The following ZDHHC15 variants were observed in gnomAD, a reference collection of about 807,000 sequenced individuals.
The protein encoded by ZDHHC15 is palmitoyltransferase ZDHHC15.
A neutral mutation model predicts 31.7 loss-of-function variants in ZDHHC15; 19 were observed. That is an observed-to-expected ratio of 0.60 (90% CI 0.42 to 0.88). ZDHHC15 has a LOEUF of 0.88. Ranked by LOEUF, ZDHHC15 falls within the 40% of genes least tolerant of loss-of-function variation. The pLI is 0.00. For missense variants in ZDHHC15, 209 were observed against 251.2 expected, an observed-to-expected ratio of 0.83 and a Z score of 1.14; for synonymous variants, 103 against 90.0, an observed-to-expected ratio of 1.14 and a Z score of -0.82.
At chrX:75,446,655 C>T (rs985385262) in intron 4 of ZDHHC15, among the ~76,000 whole-genome samples, 6 of 111,623 alleles carry the variant, frequency 5.4e-5, no homozygotes, top group African/African-American at 1.3e-4. Context: ...CAAATTTATT[C>T]GCATGGTTCT....
intron 2 of ZDHHC15, among the ~76,000 whole-genome samples, chrX:75,495,524 A>T (rs1186152755): frequency 2.7e-5 from 3 of 111,056 alleles, no homozygotes; most frequent in South Asian, 7.7e-4. Flanking sequence ...AAGACTTGGA[A>T]CCAACCCAAA....
chrX:75,511,672 G>T (rs1435094478), intron 1 of ZDHHC15, among the ~76,000 whole-genome samples: 2 of 106,193 alleles, frequency 1.9e-5, no homozygotes, highest in East Asian at 3.0e-4. Context: ...AAGAGTCCAG[G>T]ACCAGATGGA....
At chrX:75,522,813 G>C in intron 1 of ZDHHC15, 76 bp downstream of exon 1, 1 of 1,161,423 alleles carries the variant, frequency 8.6e-7, no homozygotes, top group Non-Finnish European at 1.2e-6. Context: ...GAACACAAGG[G>C]ACACCAGTGT....
chrX:75,429,224 AC>A (rs777377734), intron 6 of ZDHHC15, 26 bp from the exon 7 acceptor site: 1,027 of 1,188,513 alleles, frequency 8.6e-4, no homozygotes, highest in Non-Finnish European at 1.1e-3. Flanking sequence ...AACTAATTTG[AC>A]ATCAGGACCT....
chrX:75,499,988 G>C (rs1177484663), intron 2 of ZDHHC15, among the ~76,000 whole-genome samples: 1 of 111,444 alleles, frequency 9.0e-6, no homozygotes, highest in Non-Finnish European at 1.9e-5. Flanking sequence ...CATTTTATCT[G>C]GATGGAGTTG....
At chrX:75,390,381 A>T (rs774774898) in intron 10 of ZDHHC15, among the ~76,000 whole-genome samples, 1 of 111,943 alleles carries the variant, frequency 8.9e-6, no homozygotes, top group South Asian at 3.8e-4. Context: ...GGCAGTAGTT[A>T]TGATGGGTCT....
chrX:75,388,170 C>T (rs1411846189), intron 10 of ZDHHC15, among the ~76,000 whole-genome samples: 2 of 112,153 alleles, frequency 1.8e-5, no homozygotes, highest in Non-Finnish European at 1.9e-5. Flanking sequence ...CATCACCAGA[C>T]CAATCTTACA....
chrX:75,442,804 G>C (rs2083962613), intron 4 of ZDHHC15, among the ~76,000 whole-genome samples: 2 of 107,878 alleles, frequency 1.9e-5, no homozygotes, highest in African/African-American at 3.4e-5. Context: ...GGCTAACAAG[G>C]TGAAACCCCG....
intron 4 of ZDHHC15, among the ~76,000 whole-genome samples, chrX:75,441,664 C>T (rs1266918127): frequency 9.5e-6 from 1 of 104,888 alleles, no homozygotes; most frequent in African/African-American, 3.5e-5. Context: ...CGCTCTGTCG[C>T]CCAGGCTGGA....
chrX:75,392,963 C>A (rs1340928860), intron 10 of ZDHHC15, among the ~76,000 whole-genome samples: 2 of 108,996 alleles, frequency 1.8e-5, no homozygotes, highest in Non-Finnish European at 3.8e-5. Context: ...TAAAGTGACC[C>A]AAACCTTCAT....
intron 2 of ZDHHC15, among the ~76,000 whole-genome samples, chrX:75,498,823 C>T (rs925376377): frequency 1.3e-4 from 14 of 111,470 alleles, no homozygotes; most frequent in Admixed American, 4.8e-4. Flanking sequence ...GCCCACATAG[C>T]CAAAGAAAGG....
rs774534195 is a variant in ZDHHC15 at position 75,429,112 on chromosome X, G to A, written c.569C>T (p.Thr190Met). 4.5e-5 allele frequency: 54 copies of A among 1,205,632 alleles called. No homozygotes were observed. The highest frequency in any genetic ancestry group is 8.9e-5 in the Admixed American group (4 of 45,026). Residue 190 changes from threonine to methionine, a missense_variant, in exon 7 of 12, where the codon ACG (threonine) becomes ATG (methionine). Physicochemically the swap from Thr to Met is moderately conservative, Grantham distance 81. Coordinates refer to ENST00000373367, the MANE Select transcript of ZDHHC15 (RefSeq NM_144969.3). ...YSVLYCLYIATTVFSYFIKYW... is the reference protein window; with the variant it reads ...YSVLYCLYIAMTVFSYFIKYW... Reference sequence around the variant, plus strand: ...TTTGATGAAATAGCTGAAGACTGTCGTAGCAATGTACAGGCAGTAGAGAAC... The same window carrying A: ...TTTGATGAAATAGCTGAAGACTGTCATAGCAATGTACAGGCAGTAGAGAAC...
rs1045770118 is a variant in ZDHHC15 at position 75,502,339 on chromosome X, G to T, written c.163+3482C>A. 14 of 111,260 alleles carry T rather than the reference G, an allele frequency of 1.3e-4. No individual in the cohort carries two copies. The Admixed American group carries it at 1.3e-3, about 11-fold the overall frequency. The allele number at this position is 111,260 out of a possible 1,213,427, so 9.2% of individuals were successfully genotyped here. A position where few individuals can be genotyped will look rare whatever the true frequency, so the allele number is the denominator to read the frequency against. On this transcript the variant is annotated intron_variant, in intron 2 of 11. Transcript: ENST00000373367. The stretch of plus-strand genomic sequence containing the variant: ...ATTTTAACTTAACTACCTCTTTAAA[G>T]ACCTTATACAAATAGTCACATTCTG...
chrX:75,507,021 G>A (rs1173275756), intron 1 of ZDHHC15, among the ~76,000 whole-genome samples: 1 of 111,172 alleles, frequency 9.0e-6, no homozygotes, highest in Non-Finnish European at 1.9e-5. Flanking sequence ...GTATACAGGA[G>A]TGGGAGCCGG....
At chrX:75,397,696 G>A (rs897691735) in intron 10 of ZDHHC15, among the ~76,000 whole-genome samples, 2 of 111,285 alleles carry the variant, frequency 1.8e-5, no homozygotes, top group African/African-American at 6.5e-5. Context: ...ACCTTCAACC[G>A]AAATATTCAG....
At chrX:75,483,391 A>G (rs2084723998) in intron 2 of ZDHHC15, among the ~76,000 whole-genome samples, 1 of 109,502 alleles carries the variant, frequency 9.1e-6, no homozygotes, top group Non-Finnish European at 1.9e-5. Context: ...TAGGCAGAAA[A>G]GTAAGACCCT....
intron 2 of ZDHHC15, chrX:75,501,936 T>C (rs1230796539): frequency 8.9e-6 from 1 of 112,139 alleles, no homozygotes; most frequent in Non-Finnish European, 1.9e-5. Flanking sequence ...TAGTTTCTTT[T>C]GCTGTGCAGA....
At chrX:75,508,697 G>C (rs1291598847) in intron 1 of ZDHHC15, among the ~76,000 whole-genome samples, 2 of 110,766 alleles carry the variant, frequency 1.8e-5, no homozygotes, top group African/African-American at 6.6e-5. Context: ...GGTATTTCTA[G>C]TTCTAGATCC....
chrX:75,423,109 C>G (rs2147849738), intron 8 of ZDHHC15, among the ~76,000 whole-genome samples: 1 of 108,173 alleles, frequency 9.2e-6, no homozygotes, highest in African/African-American at 3.4e-5. Flanking sequence ...AACTCCTGGC[C>G]AGGGTCAATC....
Sources: gnomAD v4.1 joint callset for allele counts (sites outside exome capture counted in the v4.1 genomes callset) on GRCh38, gnomAD v4.1.1 for gene constraint, MANE v1.5 for transcripts, NCBI Gene and HGNC (gene_info 2026-07-23, HGNC 2026-07-21) for gene names.